Variants in EYS observed in about 807,000 individuals in gnomAD.
The protein encoded by EYS is EGF-like photoreceptor maintenance factor, also known as protein eyes shut homolog.
In EYS, 250 loss-of-function variants were observed where a neutral mutation model predicts 282.1. The ratio of observed to expected loss-of-function variants is 0.89; its 90% CI spans 0.80 to 0.98. EYS has a LOEUF of 0.98. Among genes scored for constraint, EYS ranks in the 50% least tolerant of loss-of-function variants. The probability of loss-of-function intolerance (pLI) is 0.00; values close to 1 mark genes in which losing one functional copy is unlikely to be tolerated. For synonymous variants in EYS, 1,355 were observed against 1,282.9 expected, an observed-to-expected ratio of 1.06 and a Z score of -1.20; for missense variants, 4,016 against 3,709.0, an observed-to-expected ratio of 1.08 and a Z score of -2.15.
chr6:65,293,006 A>G (rs991572275), intron 12 of EYS, among the ~76,000 whole-genome samples: 1 of 151,704 alleles, frequency 6.6e-6, no homozygotes, highest in African/African-American at 2.4e-5. Flanking sequence ...AAGTCTATCA[A>G]TAAGGCTTAT....
chr6:64,342,015 T>A (rs1196791446), intron 29 of EYS, among the ~76,000 whole-genome samples: 1 of 151,522 alleles, frequency 6.6e-6, no homozygotes, highest in Non-Finnish European at 1.5e-5. Context: ...AGGAGGGAAA[T>A]GGGTGGAGGT....
chr6:65,407,442 G>A (rs1470387423), intron 5 of EYS, among the ~76,000 whole-genome samples: 1 of 151,946 alleles, frequency 6.6e-6, no homozygotes, highest in Non-Finnish European at 1.5e-5. Context: ...TTTTAGTAGA[G>A]ATGGGGTTTC....
At chr6:65,602,301 T>C (rs953915945) in intron 2 of EYS, among the ~76,000 whole-genome samples, 2 of 151,930 alleles carry the variant, frequency 1.3e-5, no homozygotes, top group African/African-American at 2.4e-5. Flanking sequence ...TATTGGGTTA[T>C]AATAGAAACA....
rs562049110 is a variant in EYS at position 64,118,144 on chromosome 6, T to A, written c.6425-36142A>T. On this transcript the variant is annotated intron_variant, in intron 31 of 42. Transcript: ENST00000503581. ...CAGGTGACCTACAGATTACATGCAA[T>A]CTCTATCAAAATACAAATGACATTC... Among the ~76,000 whole-genome samples the A allele has an allele frequency of 3.2e-3, 493 of 152,116 alleles. 1 individual carries two copies. Among genetic ancestry groups the A allele is most frequent in the African/African-American group, 0.011 (467 of 41,518 alleles).
At chr6:63,729,911 A>G (rs1011938702) in intron 41 of EYS, among the ~76,000 whole-genome samples, 5 of 152,196 alleles carry the variant, frequency 3.3e-5, no homozygotes, top group African/African-American at 1.2e-4. Context: ...TTGAAAATTT[A>G]CGTCTATCTA....
At chr6:65,106,363 C>T (rs1199185764) in intron 12 of EYS, among the ~76,000 whole-genome samples, 1 of 151,670 alleles carries the variant, frequency 6.6e-6, no homozygotes, top group Non-Finnish European at 1.5e-5. Flanking sequence ...GTGACATTAC[C>T]ACTGAGGTTG....
chr6:64,046,881 CTT>C (rs1770644982), intron 33 of EYS, among the ~76,000 whole-genome samples: 1 of 152,164 alleles, frequency 6.6e-6, no homozygotes, highest in African/African-American at 2.4e-5. Context: ...TTTCCATTCT[CTT>C]TGAAGTTTGT....
At chr6:64,415,605 T>A (rs1774035983) in intron 28 of EYS, among the ~76,000 whole-genome samples, 1 of 152,200 alleles carries the variant, frequency 6.6e-6, no homozygotes, top group Non-Finnish European at 1.5e-5. Flanking sequence ...TCTGTCCATA[T>A]GCATTAAGAG....
intron 19 of EYS, among the ~76,000 whole-genome samples, chr6:64,885,753 G>C (rs543076890): frequency 4.4e-4 from 67 of 151,852 alleles, no homozygotes; most frequent in Admixed American, 2.1e-3. Context: ...TCTCAGGAAA[G>C]ACACCTTCAT....
chr6:64,778,402 C>A (rs1773744255), intron 22 of EYS, among the ~76,000 whole-genome samples: 1 of 152,074 alleles, frequency 6.6e-6, no homozygotes, highest in Non-Finnish European at 1.5e-5. Context: ...TGAAAATAAC[C>A]CAAGATATCC....
chr6:65,509,510 C>G (rs897023088), intron 2 of EYS, among the ~76,000 whole-genome samples: 3 of 152,074 alleles, frequency 2.0e-5, no homozygotes, highest in African/African-American at 7.2e-5. Context: ...TTCATATCTT[C>G]TTTGGTAAAA....
intron 22 of EYS, among the ~76,000 whole-genome samples, chr6:64,744,490 G>A (rs1365505580): frequency 6.6e-6 from 1 of 152,090 alleles, no homozygotes; most frequent in Admixed American, 6.6e-5. Flanking sequence ...AGCCAATATA[G>A]TAACTATAGT....
chr6:65,270,807 A>G (rs1767878527), intron 12 of EYS, among the ~76,000 whole-genome samples: 1 of 151,928 alleles, frequency 6.6e-6, no homozygotes, highest in African/African-American at 2.4e-5. Context: ...CTTCTGCTCC[A>G]TTGTCCAATA....
chr6:64,599,825 T>C (rs1003869447), intron 24 of EYS, among the ~76,000 whole-genome samples: 5 of 152,110 alleles, frequency 3.3e-5, no homozygotes, highest in Non-Finnish European at 5.9e-5. Flanking sequence ...ATCGTCAAGA[T>C]TTGTTATCAA....
intron 30 of EYS, among the ~76,000 whole-genome samples, chr6:64,244,244 A>G (rs754840778): frequency 6.6e-6 from 1 of 152,142 alleles, no homozygotes; most frequent in Non-Finnish European, 1.5e-5. Context: ...AACTTATAGG[A>G]GATAATCCTA....
chr6:63,921,937 G>A (rs577777445), intron 35 of EYS, among the ~76,000 whole-genome samples: 187 of 152,248 alleles, frequency 1.2e-3, no homozygotes, highest in Non-Finnish European at 2.4e-3. Flanking sequence ...GTAGGTATTC[G>A]TAAGGAGATA....
At chr6:64,528,709 C>G (rs547751739) in intron 26 of EYS, among the ~76,000 whole-genome samples, 2 of 152,060 alleles carry the variant, frequency 1.3e-5, no homozygotes, top group African/African-American at 2.4e-5. Flanking sequence ...CTCAGCAACT[C>G]TAATTACTCC....
intron 12 of EYS, among the ~76,000 whole-genome samples, chr6:65,201,022 T>C (rs1279412020): frequency 6.6e-6 from 1 of 152,166 alleles, no homozygotes; most frequent in Non-Finnish European, 1.5e-5. Flanking sequence ...AACATAGTGA[T>C]ACTTTATTTT....
At chr6:65,314,054 A>C (rs1274384193) in intron 11 of EYS, among the ~76,000 whole-genome samples, 2 of 151,978 alleles carry the variant, frequency 1.3e-5, no homozygotes, top group East Asian at 3.9e-4. Context: ...TTCCCCACTT[A>C]GTGCCTTTCC....
Sources: gnomAD v4.1 joint callset for allele counts (sites outside exome capture counted in the v4.1 genomes callset) on GRCh38, gnomAD v4.1.1 for gene constraint, MANE v1.5 for transcripts, NCBI Gene and HGNC (gene_info 2026-07-23, HGNC 2026-07-21) for gene names.